The following CACNA2D3 variants were observed in gnomAD, a reference collection of about 807,000 sequenced individuals.
CACNA2D3 encodes calcium voltage-gated channel auxiliary subunit alpha2delta 3.
Under a neutral mutation model 160.6 loss-of-function variants are expected in CACNA2D3, and 60 were observed. The ratio of observed to expected loss-of-function variants is 0.37; its 90% CI spans 0.30 to 0.46. The LOEUF is 0.46. Among genes scored for constraint, CACNA2D3 ranks in the 20% least tolerant of loss-of-function variants. The pLI, the probability that CACNA2D3 is intolerant of heterozygous loss-of-function variation, is 1.00. For missense variants in CACNA2D3, 1,205 were observed against 1,365.0 expected (o/e 0.88, Z 1.85); for synonymous variants, 558 against 492.9 (o/e 1.13, Z -1.75).
intron 3 of CACNA2D3, among the ~76,000 whole-genome samples, chr3:54,355,848 G>A (rs1017696064): frequency 3.3e-5 from 5 of 152,148 alleles, no homozygotes; most frequent in Non-Finnish European, 5.9e-5. Context: ...CCATTTCGAA[G>A]CATAAACTCG....
At chr3:54,840,403 C>CTTTTTTTTTT (rs1174129020) in intron 16 of CACNA2D3, among the ~76,000 whole-genome samples, 2 of 73,448 alleles carry the variant, frequency 2.7e-5, no homozygotes, top group Admixed American at 2.0e-4. Flanking sequence ...AGAACCATGT[C>CTTTTTTTTTT]TTTTTTTTTT....
intron 5 of CACNA2D3, among the ~76,000 whole-genome samples, chr3:54,522,921 T>TTAC (rs1701666813): frequency 8.1e-6 from 1 of 123,672 alleles, no homozygotes; most frequent in East Asian, 3.1e-4. Context: ...TATTTATTTA[T>TTAC]TTATTTATTT....
At chr3:54,282,149 C>T (rs7619590) in intron 2 of CACNA2D3, among the ~76,000 whole-genome samples, 85,784 of 151,938 alleles carry the variant, frequency 0.56, 24,777 homozygotes, top group East Asian at 0.72. Flanking sequence ...TGTTAAAATG[C>T]ATGTTGAACG....
intron 11 of CACNA2D3, among the ~76,000 whole-genome samples, chr3:54,741,742 C>T (rs1327249125): frequency 6.6e-6 from 1 of 152,152 alleles, no homozygotes; most frequent in Non-Finnish European, 1.5e-5. Context: ...ACACTAAAGC[C>T]ACACTGCCTT....
At chr3:54,972,717 G>A (rs1702302305) in intron 29 of CACNA2D3, among the ~76,000 whole-genome samples, 1 of 152,190 alleles carries the variant, frequency 6.6e-6, no homozygotes, top group Admixed American at 6.5e-5. Flanking sequence ...TGTGCCAGAT[G>A]CTCTGCCATC....
intron 14 of CACNA2D3, among the ~76,000 whole-genome samples, chr3:54,827,996 A>G (rs1314543611): frequency 6.6e-6 from 1 of 152,172 alleles, no homozygotes; most frequent in Non-Finnish European, 1.5e-5. Context: ...GTTTGCACAA[A>G]TTTTGGTCCT....
At chr3:54,184,119 CT>C (rs1700836152) in intron 2 of CACNA2D3, among the ~76,000 whole-genome samples, 1 of 152,002 alleles carries the variant, frequency 6.6e-6, no homozygotes, top group African/African-American at 2.4e-5. Context: ...TGTTTTCTAT[CT>C]CTTTGAGTGC....
intron 9 of CACNA2D3, among the ~76,000 whole-genome samples, chr3:54,602,296 G>C (rs1317110907): frequency 6.6e-6 from 1 of 152,042 alleles, no homozygotes; most frequent in Non-Finnish European, 1.5e-5. Context: ...TCAGGAGTTA[G>C]AGACCAGCCT....
chr3:54,420,062 G>A (rs977781743), intron 4 of CACNA2D3, among the ~76,000 whole-genome samples: 1 of 148,764 alleles, frequency 6.7e-6, no homozygotes, highest in African/African-American at 2.5e-5. Context: ...TACTGCACCC[G>A]GCCTATTCAG....
At chr3:54,658,993 C>T (rs1181260873) in intron 11 of CACNA2D3, among the ~76,000 whole-genome samples, 1 of 151,978 alleles carries the variant, frequency 6.6e-6, no homozygotes. Context: ...GCACTTTGCC[C>T]CCAGATTGCC....
In CACNA2D3 at chr3:54,822,832, T is replaced by TTTCTTTCTTTCTTTTCTTTC. The variant is rs1553874401; in HGVS notation, c.1398+5964_1398+5965insCTTTCTTTCTTTTCTTTCTT. On this transcript the variant is annotated intron_variant, in intron 14 of 37. Transcript: ENST00000474759. Reference sequence around the variant, plus strand: ...CTTTCTTTCTTTCTTTCTTTCTTTCTTTTCTTTCTTTCTTTCTTTCTTTCT... The same window carrying TTTCTTTCTTTCTTTTCTTTC: ...CTTTCTTTCTTTCTTTCTTTCTTTCTTTCTTTCTTTCTTTTCTTTCTTTCTTTCTTTCTTTCTTTCTTTCT... Among the ~76,000 whole-genome samples, 57 of 58,026 alleles carry TTTCTTTCTTTCTTTTCTTTC rather than the reference T, an allele frequency of 9.8e-4. 6 individuals carry two copies. The highest frequency in any genetic ancestry group is 3.7e-3 in the African/African-American group (43 of 11,504). 38.1% of individuals were successfully genotyped at this position (58,026 alleles called of 152,430 possible).
intron 4 of CACNA2D3, among the ~76,000 whole-genome samples, chr3:54,459,915 T>G (rs1030614805): frequency 6.6e-6 from 1 of 152,244 alleles, no homozygotes; most frequent in African/African-American, 2.4e-5. Flanking sequence ...GGTCTAACAT[T>G]TAAGTCTTTA....
chr3:54,876,053 T>G (rs913255169), intron 18 of CACNA2D3, among the ~76,000 whole-genome samples: 4 of 152,250 alleles, frequency 2.6e-5, no homozygotes, highest in African/African-American at 7.2e-5. Context: ...TGCTAACATA[T>G]GGGCACATCA....
At position 54,612,881 on chromosome 3, in the gene CACNA2D3, A is replaced by C. The variant is rs1026241701; in HGVS notation, c.964-14906A>C. On this transcript the variant is annotated intron_variant, in intron 9 of 37. Coordinates refer to ENST00000474759, the MANE Select transcript of CACNA2D3 (RefSeq NM_018398.3). ...GACTGGACCGCCTTATTACCCCCAC[A>C]GTCCTACATTGCTGGGATAAGCAGT... Among the ~76,000 whole-genome samples the C allele has an allele frequency of 3.9e-5, 6 of 152,184 alleles. No homozygotes were observed. In the East Asian group the frequency reaches 1.2e-3, roughly 29 times the overall value.
chr3:54,468,163 C>A (rs377292211), intron 4 of CACNA2D3, among the ~76,000 whole-genome samples: 1 of 152,204 alleles, frequency 6.6e-6, no homozygotes, highest in South Asian at 2.1e-4. Context: ...ATACAAACAA[C>A]TCCAGTCTGC....
intron 2 of CACNA2D3, among the ~76,000 whole-genome samples, chr3:54,211,033 A>G (rs1002578429): frequency 6.6e-6 from 1 of 152,244 alleles, no homozygotes; most frequent in Non-Finnish European, 1.5e-5. Flanking sequence ...AAAGGAACAC[A>G]GAAAGCTCAT....
intron 16 of CACNA2D3, among the ~76,000 whole-genome samples, chr3:54,840,459 G>A (rs1380836402): frequency 1.5e-5 from 2 of 136,256 alleles, no homozygotes; most frequent in Non-Finnish European, 3.0e-5. Flanking sequence ...GGCCCAGGCT[G>A]GAGTGCAGTG....
At chr3:54,937,062 G>A (rs1359218220) in intron 27 of CACNA2D3, among the ~76,000 whole-genome samples, 2 of 152,126 alleles carry the variant, frequency 1.3e-5, no homozygotes, top group Admixed American at 6.5e-5. Context: ...AGCAGTGCCC[G>A]TGTTCACCCC....
chr3:54,527,795 G>A (rs1406368597), intron 5 of CACNA2D3, among the ~76,000 whole-genome samples: 1 of 152,154 alleles, frequency 6.6e-6, no homozygotes, highest in Non-Finnish European at 1.5e-5. Context: ...CCTAGAGTGA[G>A]TTTGTGTCTT....
Sources: gnomAD v4.1 joint callset for allele counts (sites outside exome capture counted in the v4.1 genomes callset) on GRCh38, gnomAD v4.1.1 for gene constraint, MANE v1.5 for transcripts, NCBI Gene and HGNC (gene_info 2026-07-23, HGNC 2026-07-21) for gene names.